Variants in CCDC60 observed in about 807,000 individuals in gnomAD.
The protein encoded by CCDC60 is coiled-coil domain-containing protein 60.
CCDC60 carries 54 observed loss-of-function variants against 63.5 expected under a neutral mutation model. The ratio of observed to expected loss-of-function variants is 0.85; its 90% CI spans 0.68 to 1.07. The LOEUF (loss-of-function observed/expected upper bound fraction) is 1.07. CCDC60 is among the 50% of genes least tolerant of loss of function. The probability of loss-of-function intolerance (pLI) is 0.00; values close to 1 mark genes in which losing one functional copy is unlikely to be tolerated. For synonymous variants in CCDC60, 206 were observed against 238.8 expected, an observed-to-expected ratio of 0.86 and a Z score of 1.27; for missense variants, 651 against 684.3, an observed-to-expected ratio of 0.95 and a Z score of 0.54.
In CCDC60 at chr12:119,377,509, T is replaced by A. The variant is rs78987690; in HGVS notation, c.90+42243T>A. Among the ~76,000 whole-genome samples the A allele has an allele frequency of 7.3e-3, 1,108 of 152,266 alleles. 13 individuals carry two copies. Among genetic ancestry groups the A allele is most frequent in the African/African-American group, 0.025 (1,031 of 41,566 alleles). On this transcript the variant is annotated intron_variant, in intron 1 of 13. Coordinates refer to ENST00000327554, the MANE Select transcript of CCDC60 (RefSeq NM_178499.5). The stretch of plus-strand genomic sequence containing the variant: ...AATATTATAAATAAGGTTAAAAGTA[T>A]CATTCACCATCATCCCAAACCAGTT...
At chr12:119,524,151 G>A (rs1293050924) in intron 11 of CCDC60, among the ~76,000 whole-genome samples, 1 of 152,178 alleles carries the variant, frequency 6.6e-6, no homozygotes, top group Admixed American at 6.5e-5. Flanking sequence ...ATGAGGAAGA[G>A]CCAGCAGTGT....
In CCDC60 at chr12:119,523,828, C is replaced by CAT; in HGVS notation, c.1229+17_1229+18dup. The CAT allele has an allele frequency of 1.9e-6, 3 of 1,613,526 alleles. No individual in the cohort carries two copies. Among genetic ancestry groups the CAT allele is most frequent in the Non-Finnish European group, 2.5e-6 (3 of 1,179,662 alleles). The stretch of plus-strand genomic sequence containing the variant: ...TGGAAATCCTCATGAAGTAAGCGCA[C>CAT]ATATATATCCATTCATTCAAACAGC... On this transcript the variant is annotated intron_variant, in intron 11 of 13. Transcript: ENST00000327554.
rs1950754220 is a variant in CCDC60, at chr12:119,456,590, A to AT, written c.171-15403dup. Among the ~76,000 whole-genome samples the AT allele has an allele frequency of 6.6e-6, 1 of 152,254 alleles. No homozygotes were observed. The highest frequency in any genetic ancestry group is 1.5e-5 in the Non-Finnish European group (1 of 68,042). ...AAAGAATTCAGGGCAAGTCCATAGC[A>AT]TAAAGTGAAAGCAAGTTTATTAATA... On this transcript the variant is annotated intron_variant, in intron 2 of 13. Transcript: ENST00000327554. This position sits in a 1 kb window ranked among gnomAD's most constrained non-coding sequence, Gnocchi z 4.6.
At chr12:119,417,438 C>T (rs531139620) in intron 1 of CCDC60, among the ~76,000 whole-genome samples, 5 of 152,232 alleles carry the variant, frequency 3.3e-5, no homozygotes, top group African/African-American at 1.2e-4. Flanking sequence ...CTTTCTACCC[C>T]CCTTTTTCCT....
At chr12:119,377,254 CAAAAAAAAAA>C (rs60100165) in intron 1 of CCDC60, among the ~76,000 whole-genome samples, 3 of 47,444 alleles carry the variant, frequency 6.3e-5, no homozygotes, top group Admixed American at 3.2e-4. Context: ...CACTCCATCT[CAAAAAAAAAA>C]AAAAAAAAAA....
intron 2 of CCDC60, chr12:119,433,576 A>G (rs1167905441): frequency 2.8e-6 from 2 of 702,234 alleles, no homozygotes; most frequent in African/African-American, 3.5e-5. Flanking sequence ...CATCTCTCCA[A>G]GTGGCACAAA....
chr12:119,350,979 C>T (rs1217855095), intron 1 of CCDC60, among the ~76,000 whole-genome samples: 1 of 152,208 alleles, frequency 6.6e-6, no homozygotes, highest in Non-Finnish European at 1.5e-5. Context: ...CTTCCTTGCC[C>T]CAGAAGCACT....
chr12:119,431,665 T>G (rs1950230430), intron 2 of CCDC60, among the ~76,000 whole-genome samples: 1 of 146,020 alleles, frequency 6.8e-6, no homozygotes, highest in African/African-American at 2.5e-5. Context: ...TTTTCTGTGT[T>G]TGTGTTTGTT....
chr12:119,415,370 G>GCT (rs1476177718), intron 1 of CCDC60, among the ~76,000 whole-genome samples: 1 of 152,232 alleles, frequency 6.6e-6, no homozygotes, highest in East Asian at 1.9e-4. Context: ...AGACACTTAA[G>GCT]GGAGGCTCAC....
At chr12:119,411,666 T>G (rs1214764606) in intron 1 of CCDC60, among the ~76,000 whole-genome samples, 1 of 152,006 alleles carries the variant, frequency 6.6e-6, no homozygotes, top group Non-Finnish European at 1.5e-5. Context: ...GTTCTCACCT[T>G]GGGGGTGAGA....
intron 4 of CCDC60, 55 bp from the exon 5 acceptor site, chr12:119,488,704 C>G: frequency 6.8e-7 from 1 of 1,478,730 alleles, no homozygotes; most frequent in South Asian, 1.1e-5. Context: ...GCTATTTTTG[C>G]GAAGAAAGTT....
chr12:119,475,914 C>A (rs920045867), intron 3 of CCDC60, among the ~76,000 whole-genome samples: 1 of 152,192 alleles, frequency 6.6e-6, no homozygotes, highest in Non-Finnish European at 1.5e-5. Context: ...GGCTAAAAAT[C>A]TTAATTTCCA....
intron 1 of CCDC60, among the ~76,000 whole-genome samples, chr12:119,381,327 C>T (rs1260006093): frequency 6.6e-6 from 1 of 152,150 alleles, no homozygotes; most frequent in Non-Finnish European, 1.5e-5. Flanking sequence ...GGCTTAGGGT[C>T]TTTATGATGA....
intron 4 of CCDC60, among the ~76,000 whole-genome samples, chr12:119,486,943 G>A (rs1951455908): frequency 6.6e-6 from 1 of 152,132 alleles, no homozygotes. Flanking sequence ...TCAGAGAAGA[G>A]CAATTACACA....
At chr12:119,507,070 G>A (rs2136435875) in intron 7 of CCDC60, among the ~76,000 whole-genome samples, 1 of 152,234 alleles carries the variant, frequency 6.6e-6, no homozygotes, top group East Asian at 1.9e-4. Context: ...GGCGGCCAGT[G>A]TTCTCTCTCA....
intron 1 of CCDC60, among the ~76,000 whole-genome samples, chr12:119,414,558 T>C (rs1956666244): frequency 6.6e-6 from 1 of 152,112 alleles, no homozygotes; most frequent in African/African-American, 2.4e-5. Context: ...TTTCATTTTG[T>C]TTTGTTTTTA....
intron 4 of CCDC60, among the ~76,000 whole-genome samples, chr12:119,484,849 C>A (rs1223401037): frequency 6.6e-6 from 1 of 152,204 alleles, no homozygotes; most frequent in African/African-American, 2.4e-5. Context: ...CACAGAGCAC[C>A]CTGTGGTGGA....
chr12:119,371,051 AAATAGTAGC>A (rs1955892579), intron 1 of CCDC60, among the ~76,000 whole-genome samples: 1 of 152,038 alleles, frequency 6.6e-6, no homozygotes, highest in Non-Finnish European at 1.5e-5. Context: ...AAATAAAATA[AAATAGTAGC>A]TTTTTAATCA....
At chr12:119,418,143 G>GTATGTATGTATGCATACATGTGTGTATA (rs1956737105) in intron 1 of CCDC60, among the ~76,000 whole-genome samples, 1 of 151,638 alleles carries the variant, frequency 6.6e-6, no homozygotes, top group Admixed American at 6.6e-5. Flanking sequence ...TTTTTCATAT[G>GTATGTATGTATGCATACATGTGTGTATA]TATGTATGTA....
Sources: allele counts gnomAD v4.1 joint callset (sites outside exome capture counted in the v4.1 genomes callset), GRCh38; gene constraint gnomAD v4.1.1; non-coding constraint Gnocchi (gnomAD v3.1); transcripts MANE v1.5; gene names NCBI Gene and HGNC (gene_info 2026-07-23, HGNC 2026-07-21).